MTMR3: variants seen among roughly 807,000 people sequenced by gnomAD.
MTMR3 encodes phosphatidylinositol-3,5-bisphosphate 3-phosphatase MTMR3.
A neutral mutation model predicts 132.4 loss-of-function variants in MTMR3; 32 were observed. That is an observed-to-expected ratio of 0.24 (90% CI 0.18 to 0.32). MTMR3 has a LOEUF of 0.32. Ranked by LOEUF, MTMR3 falls within the 10% of genes least tolerant of loss-of-function variation. The pLI is 1.00. For missense variants in MTMR3, 1,216 were observed against 1,489.6 expected, an observed-to-expected ratio of 0.82 and a Z score of 3.02; for synonymous variants, 556 against 550.3, an observed-to-expected ratio of 1.01 and a Z score of -0.14.
At chr22:29,947,343 GT>G (rs2065972708) in intron 1 of MTMR3, among the ~76,000 whole-genome samples, 1 of 151,432 alleles carries the variant, frequency 6.6e-6, no homozygotes, top group Non-Finnish European at 1.5e-5. Flanking sequence ...TGTGTGGATT[GT>G]TTTTTTTAAA....
intron 6 of MTMR3, chr22:29,990,622 C>A (rs537474861): frequency 7.1e-4 from 108 of 152,190 alleles, no homozygotes; most frequent in African/African-American, 2.4e-3. Flanking sequence ...ACTCTGTTGC[C>A]CAGGCTGGAG....
chr22:30,013,155 A>T, intron 13 of MTMR3: 1 of 444,554 alleles, frequency 2.2e-6, no homozygotes, highest in South Asian at 4.4e-5. Flanking sequence ...CATTTTAGTG[A>T]TCATGGAATG....
chr22:30,010,639 A>C (rs2067394755), intron 12 of MTMR3: 1 of 152,246 alleles, frequency 6.6e-6, no homozygotes, highest in Non-Finnish European at 1.5e-5. Flanking sequence ...CAGCTTCATT[A>C]GTCACAGACA....
chr22:29,916,752 G>A (rs888112134), intron 1 of MTMR3, among the ~76,000 whole-genome samples: 3 of 152,098 alleles, frequency 2.0e-5, no homozygotes, highest in African/African-American at 7.2e-5. Context: ...TGCATTCTGC[G>A]GGCAGTGTTT....
chr22:30,005,111 A>G (rs1200431906), intron 9 of MTMR3: 4 of 152,234 alleles, frequency 2.6e-5, no homozygotes, highest in Admixed American at 2.6e-4. Context: ...GAGCTTGCCT[A>G]AATCTAAGTT....
At chr22:29,991,702 G>T in intron 7 of MTMR3, 32 bp downstream of exon 7, 1 of 1,531,096 alleles carries the variant, frequency 6.5e-7, no homozygotes. Flanking sequence ...AAATGGCCAG[G>T]GGCTTTATCA....
chr22:30,018,195 C>G (rs1569052791), intron 16 of MTMR3, 123 bp downstream of exon 16: 1 of 1,141,142 alleles, frequency 8.8e-7, no homozygotes, highest in African/African-American at 1.6e-5. Flanking sequence ...TCTTAGGTCT[C>G]TGCAGTTTTT....
chr22:30,007,883 C>G lies in MTMR3; in HGVS notation c.878-18C>G, dbSNP rs1304914461. 1 of 1,613,296 alleles carries G rather than the reference C, an allele frequency of 6.2e-7. No individual in the cohort carries two copies. The highest frequency in any genetic ancestry group is 1.1e-5 in the South Asian group (1 of 91,032). ...GAGACAGGCTCATTTAGTATGCCCT[C>G]TCCCTCTGTGTCCCTAGATTCTTCT... On this transcript the variant is annotated intron_variant, in intron 10 of 19. Coordinates refer to ENST00000401950, the MANE Select transcript of MTMR3 (RefSeq NM_021090.4).
At chr22:29,979,584 G>A (rs958479326) in intron 5 of MTMR3, 4 of 168,468 alleles carry the variant, frequency 2.4e-5, no homozygotes, top group African/African-American at 9.6e-5. Context: ...GTCAGCTGAG[G>A]TGTCCATTGT....
chr22:30,013,277 T>C lies in MTMR3; in HGVS notation c.1318-79T>C, dbSNP rs1455889102. ...CTGGGAGGCTGTTAGAGGGGATTGC[T>C]TTCTGTGACACCAGGCTTAGGACTG... On this transcript the variant is annotated intron_variant, in intron 13 of 19. Coordinates refer to ENST00000401950, the MANE Select transcript of MTMR3 (RefSeq NM_021090.4). 2.5e-5 allele frequency: 37 copies of C among 1,488,308 alleles called. No homozygotes were observed. In the East Asian group the frequency reaches 8.3e-4, roughly 33 times the overall value. 92.2% of individuals were successfully genotyped at this position (1,488,308 alleles called of 1,614,324 possible). A position where few individuals can be genotyped will look rare whatever the true frequency, so the allele number is the denominator to read the frequency against.
chr22:29,898,876 C>T (rs2064952818), intron 1 of MTMR3, among the ~76,000 whole-genome samples: 2 of 146,730 alleles, frequency 1.4e-5, no homozygotes, highest in East Asian at 4.0e-4. Context: ...TGCAGCGAAC[C>T]TTTGGGTAAA....
At chr22:30,023,559 C>T (rs1289048748) in intron 19 of MTMR3, 3 of 1,551,444 alleles carry the variant, frequency 1.9e-6, no homozygotes, top group Middle Eastern at 1.7e-4. Flanking sequence ...TTATCATTTC[C>T]CCCTCTCTGC....
intron 16 of MTMR3, chr22:30,018,416 C>A: frequency 4.9e-6 from 1 of 204,740 alleles, no homozygotes; most frequent in Non-Finnish European, 9.7e-6. Context: ...TCTTCTGAGG[C>A]TTAAAAGGCA....
At chr22:29,923,146 A>G (rs1351795524) in intron 1 of MTMR3, among the ~76,000 whole-genome samples, 1 of 148,532 alleles carries the variant, frequency 6.7e-6, no homozygotes, top group East Asian at 2.0e-4. Flanking sequence ...GGTTCACGCC[A>G]TTCTCCTGCC....
At chr22:29,958,329 T>C (rs1176755573) in intron 2 of MTMR3, among the ~76,000 whole-genome samples, 1 of 152,174 alleles carries the variant, frequency 6.6e-6, no homozygotes, top group Admixed American at 6.5e-5. Flanking sequence ...AGTTCCTAAA[T>C]CCAGATCATT....
In MTMR3 at chr22:30,022,559, A is replaced by G. The variant is rs201234433; in HGVS notation, c.3337-50A>G. 7.9e-5 allele frequency: 121 copies of G among 1,524,330 alleles called. No homozygotes were observed. The African/African-American group carries it at 1.4e-3, about 17-fold the overall frequency. 94.4% of individuals were successfully genotyped at this position (1,524,330 alleles called of 1,614,324 possible). On this transcript the variant is annotated intron_variant, in intron 18 of 19. Coordinates refer to ENST00000401950, the MANE Select transcript of MTMR3 (RefSeq NM_021090.4). ...CCCCCAGCATGGCTCTGCTGGCTCC[A>G]GCTGGATGGCCCATCTCCTGTCAGT...
chr22:29,897,176 C>T (rs1427644270), intron 1 of MTMR3, among the ~76,000 whole-genome samples: 1 of 151,172 alleles, frequency 6.6e-6, no homozygotes, highest in African/African-American at 2.4e-5. Context: ...CTCCTGGGTT[C>T]AAGCGATTCT....
intron 2 of MTMR3, among the ~76,000 whole-genome samples, chr22:29,964,999 A>G (rs11705207): frequency 6.6e-6 from 1 of 152,054 alleles, no homozygotes; most frequent in African/African-American, 2.4e-5. Context: ...TCTGAGGAAC[A>G]CATGCACTTC....
intron 1 of MTMR3, among the ~76,000 whole-genome samples, chr22:29,949,144 C>CACA (rs1491241499): frequency 0.027 from 375 of 14,086 alleles, 38 homozygotes; most frequent in African/African-American, 0.082. Context: ...CACACACACA[C>CACA]CCCCCCCCCC....
Sources: allele counts gnomAD v4.1 joint callset (sites outside exome capture counted in the v4.1 genomes callset), GRCh38; gene constraint gnomAD v4.1.1; transcripts MANE v1.5; gene names NCBI Gene and HGNC (gene_info 2026-07-23, HGNC 2026-07-21).